MOB3B: variants seen among roughly 807,000 people sequenced by gnomAD.
The protein encoded by MOB3B is MOB kinase activator-like 2B.
In MOB3B, 7 loss-of-function variants were observed where a neutral mutation model predicts 18.7. That is an observed-to-expected ratio of 0.37 (90% confidence interval 0.21 to 0.70). The LOEUF is 0.70. Ranked by LOEUF, MOB3B falls within the 30% of genes least tolerant of loss-of-function variation. The pLI is 0.52. For missense variants in MOB3B, 253 were observed against 281.3 expected (o/e 0.90, Z 0.72); for synonymous variants, 111 against 99.9 (o/e 1.11, Z -0.66).
At chr9:27,446,696 G>A (rs1822696837) in intron 2 of MOB3B, among the ~76,000 whole-genome samples, 1 of 152,174 alleles carries the variant, frequency 6.6e-6, no homozygotes, top group Non-Finnish European at 1.5e-5. Context: ...CTATGTCCTA[G>A]CATTGTGTCA....
chr9:27,358,735 C>T, intron 3 of MOB3B: 1 of 557,896 alleles, frequency 1.8e-6, no homozygotes, highest in South Asian at 1.5e-5. Context: ...TTAAGGAATT[C>T]AATAAGTGGA....
intron 2 of MOB3B, among the ~76,000 whole-genome samples, chr9:27,427,839 G>A (rs1272776541): frequency 6.6e-6 from 1 of 152,058 alleles, no homozygotes; most frequent in Non-Finnish European, 1.5e-5. Context: ...CCTCTTTGGT[G>A]AGGCCTTTGC....
At chr9:27,442,054 C>A (rs987711879) in intron 2 of MOB3B, among the ~76,000 whole-genome samples, 7 of 152,072 alleles carry the variant, frequency 4.6e-5, no homozygotes, top group Non-Finnish European at 1.0e-4. Context: ...TCTCTTTACT[C>A]AAAAATTTTT....
Position 27,513,267 on chromosome 9 carries a change from C to G in MOB3B, c.-199+16288G>C, listed in dbSNP as rs192874063. Among the ~76,000 whole-genome samples, 23 of 152,204 alleles carry G rather than the reference C, an allele frequency of 1.5e-4. 1 individual carries two copies. Among genetic ancestry groups the G allele is most frequent in the Admixed American group, 1.4e-3 (22 of 15,288 alleles). ...TTCATACCAGTCTTATTTTTTCCAT[C>G]TCTACTGCTCCCACCTTAATCTAGG... On this transcript the variant is annotated intron_variant, in intron 1 of 3. Coordinates refer to ENST00000262244, the MANE Select transcript of MOB3B (RefSeq NM_024761.5).
At chr9:27,361,961 G>T (rs1821280481) in intron 2 of MOB3B, among the ~76,000 whole-genome samples, 2 of 152,156 alleles carry the variant, frequency 1.3e-5, no homozygotes, top group Non-Finnish European at 2.9e-5. Context: ...TTATCTGTGT[G>T]GCCCTTATAG....
At chr9:27,524,480 G>C in intron 1 of MOB3B, 3 of 1,614,066 alleles carry the variant, frequency 1.9e-6, no homozygotes, top group Non-Finnish European at 2.5e-6. Context: ...TGAGACATCT[G>C]AGTAGTATGA....
chr9:27,340,578 C>T (rs1189826446), intron 3 of MOB3B, among the ~76,000 whole-genome samples: 1 of 152,098 alleles, frequency 6.6e-6, no homozygotes, highest in South Asian at 2.1e-4. Flanking sequence ...CCCCGCAGCC[C>T]ACCCCTCATT....
chr9:27,444,631 G>T (rs1822662539), intron 2 of MOB3B, among the ~76,000 whole-genome samples: 1 of 152,128 alleles, frequency 6.6e-6, no homozygotes, highest in Non-Finnish European at 1.5e-5. Flanking sequence ...GAGAGGAAAG[G>T]TTATAATTTC....
intron 1 of MOB3B, among the ~76,000 whole-genome samples, chr9:27,509,829 A>T (rs1181144371): frequency 6.6e-6 from 1 of 152,022 alleles, no homozygotes. Context: ...GGTTCAAGCG[A>T]TCCTCCTGCC....
rs1039742883 is a variant in MOB3B, at chr9:27,529,779, C to T, written c.-423G>A. On this transcript the variant is annotated 5_prime_UTR_variant, in exon 1 of 4. Coordinates refer to ENST00000262244, the MANE Select transcript of MOB3B (RefSeq NM_024761.5). The stretch of plus-strand genomic sequence containing the variant: ...GTCGCTCCGGAGCAGCCCCCTCATG[C>T]ACCCAGCGCGCCGCGCAGCCGGCCG... 17 of 985,356 alleles carry T rather than the reference C, an allele frequency of 1.7e-5. No individual in the cohort carries two copies. The African/African-American group carries it at 2.6e-4, about 15-fold the overall frequency. 61.0% of individuals were successfully genotyped at this position (985,356 alleles called of 1,614,324 possible).
chr9:27,341,773 T>A (rs1166511903), intron 3 of MOB3B, among the ~76,000 whole-genome samples: 1 of 152,244 alleles, frequency 6.6e-6, no homozygotes, highest in East Asian at 1.9e-4. Context: ...GAAAGGTTAG[T>A]GACTTGCCCA....
At chr9:27,501,766 C>CA (rs36090681) in intron 1 of MOB3B, among the ~76,000 whole-genome samples, 39 of 129,320 alleles carry the variant, frequency 3.0e-4, no homozygotes, top group South Asian at 2.0e-3. Flanking sequence ...GACTCTGTCT[C>CA]AAAAAAAAAA....
intron 1 of MOB3B, among the ~76,000 whole-genome samples, chr9:27,505,805 G>C (rs563924509): frequency 6.6e-6 from 1 of 152,290 alleles, no homozygotes; most frequent in South Asian, 2.1e-4. Context: ...AGTATATGAA[G>C]TGACACATTC....
At chr9:27,525,707 T>C (rs1820426108) in intron 1 of MOB3B, among the ~76,000 whole-genome samples, 1 of 152,176 alleles carries the variant, frequency 6.6e-6, no homozygotes, top group Non-Finnish European at 1.5e-5. Context: ...TGGAAAAGTA[T>C]GGTACAGAAT....
intron 3 of MOB3B, among the ~76,000 whole-genome samples, chr9:27,343,999 C>T (rs928480867): frequency 2.0e-5 from 3 of 151,938 alleles, no homozygotes. Context: ...GTAATGGTTG[C>T]ATGACAATGT....
Position 27,357,888 on chromosome 9 carries a change from C to CAAAAAAAAAAAAAAAAAAAAAAAAA in MOB3B, c.621+1121_621+1145dup, listed in dbSNP as rs58851638. 1.1e-3 allele frequency among the ~76,000 whole-genome samples: 66 copies of CAAAAAAAAAAAAAAAAAAAAAAAAA among 57,964 alleles called. 9 individuals carry two copies. Among genetic ancestry groups the CAAAAAAAAAAAAAAAAAAAAAAAAA allele is most frequent in the Admixed American group, 2.5e-3 (9 of 3,574 alleles). The allele number at this position is 57,964 out of a possible 152,430, so 38.0% of individuals were successfully genotyped here. A position where few individuals can be genotyped will look rare whatever the true frequency, so the allele number is the denominator to read the frequency against. On this transcript the variant is annotated intron_variant, in intron 3 of 3. Coordinates refer to ENST00000262244, the MANE Select transcript of MOB3B (RefSeq NM_024761.5). ...TCAACATAATGAGATCCCATCGCTA[C>CAAAAAAAAAAAAAAAAAAAAAAAAA]AAAAAAAAAAAAAAAAAAAAAAAAA...
chr9:27,510,922 C>G (rs1820132375), intron 1 of MOB3B, among the ~76,000 whole-genome samples: 1 of 152,170 alleles, frequency 6.6e-6, no homozygotes, highest in Admixed American at 6.5e-5. Context: ...GCATTAGTGC[C>G]TTTTCCTCCT....
At position 27,416,337 on chromosome 9, in the gene MOB3B, G is replaced by A. The variant is rs755328190; in HGVS notation, c.418+38796C>T. Among the ~76,000 whole-genome samples the A allele has an allele frequency of 4.6e-5, 7 of 152,002 alleles. No individual in the cohort carries two copies. The East Asian group carries it at 7.7e-4, about 17-fold the overall frequency. On this transcript the variant is annotated intron_variant, in intron 2 of 3. Coordinates refer to ENST00000262244, the MANE Select transcript of MOB3B (RefSeq NM_024761.5). ...TTTTCTTTGAAATGGCAATAGTAGA[G>A]GGACTTCAGAGAATCTGGTCTAATC...
chr9:27,479,914 G>T (rs1344467978), intron 1 of MOB3B, among the ~76,000 whole-genome samples: 1 of 152,094 alleles, frequency 6.6e-6, no homozygotes, highest in African/African-American at 2.4e-5. Flanking sequence ...AAAATTAGCT[G>T]GATGTGGTGG....
Sources: gnomAD v4.1 joint callset for allele counts (sites outside exome capture counted in the v4.1 genomes callset) on GRCh38, gnomAD v4.1.1 for gene constraint, MANE v1.5 for transcripts, NCBI Gene and HGNC (gene_info 2026-07-23, HGNC 2026-07-21) for gene names.